The following ZNF782 variants were observed in gnomAD, a reference collection of about 807,000 sequenced individuals.
ZNF782 encodes zinc finger protein 782.
ZNF782 carries 12 observed loss-of-function variants against 13.0 expected under a neutral mutation model. That is an observed-to-expected ratio of 0.92 (90% confidence interval 0.59 to 1.50). The LOEUF is 1.50. Ranked by LOEUF, ZNF782 falls within the 40% of genes most tolerant of loss-of-function variation. ZNF782 has a pLI of 0.00. For synonymous variants in ZNF782, 284 were observed against 283.0 expected, an observed-to-expected ratio of 1.00 and a Z score of -0.04; for missense variants, 770 against 822.9, an observed-to-expected ratio of 0.94 and a Z score of 0.79.
At chr9:96,930,889 T>G in the ZNF782 span, among the ~76,000 whole-genome samples, 1 of 75,688 alleles carries the variant, frequency 1.3e-5, no homozygotes, top group African/African-American at 8.1e-5. Context: ...TTTTTTTTTT[T>G]TTTTTTTTTT....
At chr9:96,882,103 ATAGT>A in the ZNF782 span, among the ~76,000 whole-genome samples, 2 of 152,190 alleles carry the variant, frequency 1.3e-5, no homozygotes, top group African/African-American at 4.8e-5. Context: ...CAGGCTTTCA[ATAGT>A]TAACTATTTA....
the ZNF782 span, among the ~76,000 whole-genome samples, chr9:96,904,013 T>C: frequency 6.6e-6 from 1 of 151,794 alleles, no homozygotes; most frequent in Admixed American, 6.6e-5. Context: ...CAAGTTCTAG[T>C]TACTCCACAT....
At chr9:96,823,437 C>T (rs867366739) in intron 5 of ZNF782, among the ~76,000 whole-genome samples, 7 of 152,166 alleles carry the variant, frequency 4.6e-5, no homozygotes, top group South Asian at 4.1e-4. Flanking sequence ...ATTTAGTGCA[C>T]AAATATTCAA....
intron 5 of ZNF782, among the ~76,000 whole-genome samples, chr9:96,820,602 T>C (rs774480006): frequency 6.6e-5 from 10 of 151,236 alleles, no homozygotes; most frequent in Non-Finnish European, 1.5e-4. Flanking sequence ...CAGGCTGGAG[T>C]ATAGTGGCGT....
At chr9:96,859,639 G>A (rs1851681735) in intron 3 of ZNF782, among the ~76,000 whole-genome samples, 1 of 152,144 alleles carries the variant, frequency 6.6e-6, no homozygotes, top group Non-Finnish European at 1.5e-5. Flanking sequence ...ACATGCCATG[G>A]GCCTCGAGTG....
chr9:96,907,848 C>T, the ZNF782 span, among the ~76,000 whole-genome samples: 2 of 151,594 alleles, frequency 1.3e-5, no homozygotes, highest in Non-Finnish European at 2.9e-5. Context: ...ACCATGTTGG[C>T]CAGGCTGGTC....
the ZNF782 span, among the ~76,000 whole-genome samples, chr9:96,913,211 A>C: frequency 6.6e-6 from 1 of 152,052 alleles, no homozygotes; most frequent in Non-Finnish European, 1.5e-5. Flanking sequence ...GCTACTTGGG[A>C]GGCTGAGGCA....
At chr9:96,836,481 G>T (rs1851007402) in intron 4 of ZNF782, among the ~76,000 whole-genome samples, 1 of 152,214 alleles carries the variant, frequency 6.6e-6, no homozygotes, top group Non-Finnish European at 1.5e-5. Flanking sequence ...GATTATAGGT[G>T]TGAGCCACCA....
At chr9:96,916,337 A>G in the ZNF782 span, among the ~76,000 whole-genome samples, 3 of 151,896 alleles carry the variant, frequency 2.0e-5, no homozygotes, top group African/African-American at 7.2e-5. Context: ...AAAAAGTACA[A>G]AAATTAGCCA....
chr9:96,907,568 C>G, the ZNF782 span, among the ~76,000 whole-genome samples: 1 of 152,256 alleles, frequency 6.6e-6, no homozygotes. Context: ...CCATTCTGTT[C>G]CATTGATCTA....
At chr9:96,918,995 C>T in the ZNF782 span, 9 of 229,756 alleles carry the variant, frequency 3.9e-5, no homozygotes, top group South Asian at 8.4e-5. Flanking sequence ...AACAGCTTAA[C>T]AGACCAAGAG....
the ZNF782 span, among the ~76,000 whole-genome samples, chr9:96,926,813 G>A: frequency 2.0e-5 from 3 of 152,116 alleles, no homozygotes; most frequent in East Asian, 5.8e-4. Context: ...CTTCGAAAGG[G>A]GCAAATGCTT....
Position 96,844,969 on chromosome 9 carries a change from C to A in ZNF782, c.63G>T (p.Glu21Asp). ...QDVTVEFSQE[E>D]WQHMGPVERT... The stretch of plus-strand genomic sequence containing the variant: ...TCTCAACAGGGCCCATGTGCTGCCA[C>A]TCCTCCTGGCTGAATTCCACAGTCA... Residue 21 changes from glutamate to aspartate, a missense_variant, in exon 4 of 6, where the codon GAG becomes GAT. Glu to Asp is a conservative substitution (Grantham distance 45). Coordinates refer to ENST00000481138, the MANE Select transcript of ZNF782 (RefSeq NM_001001662.3). The A allele has an allele frequency of 6.2e-7, 1 of 1,614,028 alleles. No individual in the cohort carries two copies. Among genetic ancestry groups the A allele is most frequent in the Admixed American group, 1.7e-5 (1 of 60,008 alleles).
chr9:96,913,271 C>T, the ZNF782 span, among the ~76,000 whole-genome samples: 4 of 152,142 alleles, frequency 2.6e-5, no homozygotes, highest in East Asian at 1.9e-4. Context: ...GCCGAGATCA[C>T]ACCACTGCAC....
chr9:96,901,336 A>G, the ZNF782 span, among the ~76,000 whole-genome samples: 4 of 146,118 alleles, frequency 2.7e-5, no homozygotes, highest in African/African-American at 1.0e-4. Flanking sequence ...CAGTGGTGCA[A>G]TCTTGGCTCA....
At chr9:96,922,183 C>T in the ZNF782 span, among the ~76,000 whole-genome samples, 4 of 151,348 alleles carry the variant, frequency 2.6e-5, no homozygotes, top group Non-Finnish European at 5.9e-5. Context: ...CATATAATGT[C>T]ATTTTATTTA....
chr9:96,827,252 T>C, intron 4 of ZNF782, 71 bp from the exon 5 acceptor site: 1 of 1,134,250 alleles, frequency 8.8e-7, no homozygotes, highest in Non-Finnish European at 1.3e-6. Context: ...GTGAAGAAGG[T>C]ACAGCTTCAG....
chr9:96,844,848 G>C, intron 4 of ZNF782, 42 bp downstream of exon 4: 1 of 1,613,484 alleles, frequency 6.2e-7, no homozygotes, highest in Non-Finnish European at 8.5e-7. Flanking sequence ...AGGAGAAACA[G>C]AACTGCACTC....
Position 96,827,138 on chromosome 9 carries a change from T to A in ZNF782, c.186A>T (p.Gln62His). Reference sequence around the variant, plus strand: ...TCTCTAATAACCATGGATCTTCTCCTTGTTCCAATGTGAAGATCAGTTCTG... The same window carrying A: ...TCTCTAATAACCATGGATCTTCTCCATGTTCCAATGTGAAGATCAGTTCTG... ...TKPELIFTLE[Q>H]GEDPWLLEKE... Residue 62 changes from glutamine (Q) to histidine (H), a missense_variant, in exon 5 of 6, where the codon CAA (glutamine) becomes CAT (histidine). Coordinates refer to ENST00000481138, the MANE Select transcript of ZNF782 (RefSeq NM_001001662.3). 1 of 1,612,910 alleles carries A rather than the reference T, an allele frequency of 6.2e-7. No homozygotes were observed. The highest frequency in any genetic ancestry group is 8.5e-7 in the Non-Finnish European group (1 of 1,179,522).
Sources: allele counts gnomAD v4.1 joint callset (sites outside exome capture counted in the v4.1 genomes callset), GRCh38; gene constraint gnomAD v4.1.1; transcripts MANE v1.5; gene names NCBI Gene and HGNC (gene_info 2026-07-23, HGNC 2026-07-21).